Variants in SMOC1 observed in about 807,000 individuals in gnomAD.
SMOC1 encodes SPARC-related modular calcium-binding protein 1.
A neutral mutation model predicts 56.3 loss-of-function variants in SMOC1; 22 were observed. The observed-to-expected ratio is 0.39, with a 90% CI of 0.28 to 0.56. SMOC1 has a LOEUF of 0.56. SMOC1 is among the 20% of genes least tolerant of loss of function. The pLI is 0.61. For synonymous variants in SMOC1, 193 were observed against 215.0 expected (o/e 0.90, Z 0.89); for missense variants, 509 against 565.4 (o/e 0.90, Z 1.01).
intron 3 of SMOC1, among the ~76,000 whole-genome samples, chr14:69,958,345 AG>A (rs1457335614): frequency 6.6e-6 from 1 of 152,254 alleles, no homozygotes; most frequent in East Asian, 1.9e-4. Context: ...TCTTATGTAA[AG>A]AACTCTTACA....
intron 3 of SMOC1, among the ~76,000 whole-genome samples, chr14:69,963,388 A>G (rs1883455125): frequency 6.6e-6 from 1 of 152,172 alleles, no homozygotes; most frequent in Non-Finnish European, 1.5e-5. Context: ...ACCAAAGATG[A>G]GCATTGTATA....
intron 1 of SMOC1, among the ~76,000 whole-genome samples, chr14:69,951,276 T>G (rs78209949): frequency 6.6e-6 from 1 of 152,180 alleles, no homozygotes; most frequent in Admixed American, 6.5e-5. Context: ...TAGTATTTTC[T>G]TGGTCAAGCA....
chr14:69,979,867 G>A (rs1295192728), intron 5 of SMOC1, among the ~76,000 whole-genome samples: 1 of 152,186 alleles, frequency 6.6e-6, no homozygotes, highest in African/African-American at 2.4e-5. Flanking sequence ...TGACCACCCA[G>A]ATTCCCCTCC....
At chr14:69,944,076 T>C (rs1882687173) in intron 1 of SMOC1, among the ~76,000 whole-genome samples, 1 of 152,350 alleles carries the variant, frequency 6.6e-6, no homozygotes, top group Middle Eastern at 3.4e-3. Flanking sequence ...TACATATTGA[T>C]TAAATGCCTC....
At chr14:70,015,583 C>T (rs2139598216) in intron 10 of SMOC1, among the ~76,000 whole-genome samples, 1 of 152,258 alleles carries the variant, frequency 6.6e-6, no homozygotes, top group East Asian at 1.9e-4. Flanking sequence ...AGGCTGGTTT[C>T]TGGCTGTGGC....
intron 1 of SMOC1, among the ~76,000 whole-genome samples, chr14:69,942,572 C>T (rs1046048675): frequency 6.6e-6 from 1 of 152,210 alleles, no homozygotes; most frequent in Non-Finnish European, 1.5e-5. Flanking sequence ...CTGCTTCTCT[C>T]CTTATCTCCA....
chr14:69,926,324 T>C (rs1339297969), intron 1 of SMOC1, among the ~76,000 whole-genome samples: 3 of 152,180 alleles, frequency 2.0e-5, no homozygotes, highest in Non-Finnish European at 4.4e-5. Flanking sequence ...TGCCACCAGC[T>C]GGATTGGATT....
At chr14:70,011,886 T>C (rs1885354398) in intron 9 of SMOC1, among the ~76,000 whole-genome samples, 1 of 152,196 alleles carries the variant, frequency 6.6e-6, no homozygotes, top group Admixed American at 6.5e-5. Context: ...TTTCCAGAGC[T>C]GTGAGGATAA....
intron 1 of SMOC1, among the ~76,000 whole-genome samples, chr14:69,918,028 A>G (rs960615356): frequency 6.6e-6 from 1 of 152,198 alleles, no homozygotes; most frequent in Non-Finnish European, 1.5e-5. Flanking sequence ...ACAAAAATGT[A>G]TATATGCAGT....
At chr14:70,026,839 T>C (rs1885945526) in intron 11 of SMOC1, among the ~76,000 whole-genome samples, 2 of 152,254 alleles carry the variant, frequency 1.3e-5, no homozygotes, top group South Asian at 2.1e-4. Flanking sequence ...TCTACACTTA[T>C]GTCTTTAAGT....
At chr14:69,884,172 T>C (rs56086423) in intron 1 of SMOC1, among the ~76,000 whole-genome samples, 61,293 of 151,556 alleles carry the variant, frequency 0.4, 13,784 homozygotes, top group African/African-American at 0.62. Context: ...TCCCAAAGTG[T>C]TGGGACTACA....
chr14:70,024,617 G>A (rs1258227140), intron 11 of SMOC1, among the ~76,000 whole-genome samples: 1 of 152,042 alleles, frequency 6.6e-6, no homozygotes, highest in African/African-American at 2.4e-5. Context: ...TCTAAGCCAA[G>A]GCAAATGAGG....
intron 5 of SMOC1, among the ~76,000 whole-genome samples, chr14:69,991,470 A>C (rs1314571204): frequency 6.6e-6 from 1 of 152,224 alleles, no homozygotes; most frequent in Non-Finnish European, 1.5e-5. Context: ...AATGCTCCTT[A>C]GATGAGTGAT....
intron 5 of SMOC1, among the ~76,000 whole-genome samples, chr14:69,986,471 TA>T (rs1450145591): frequency 6.6e-6 from 1 of 152,228 alleles, no homozygotes; most frequent in Non-Finnish European, 1.5e-5. Context: ...GATTTTGTAC[TA>T]ATTATGCCAC....
chr14:69,956,617 C>T (rs569783103), intron 3 of SMOC1, among the ~76,000 whole-genome samples: 1 of 152,242 alleles, frequency 6.6e-6, no homozygotes, highest in South Asian at 2.1e-4. Context: ...TGATGGCACT[C>T]TAATGGGATT....
intron 7 of SMOC1, among the ~76,000 whole-genome samples, chr14:70,009,437 A>G (rs1047524963): frequency 3.9e-5 from 6 of 152,208 alleles, no homozygotes; most frequent in African/African-American, 4.8e-5. Context: ...CAGAGCCATT[A>G]TTTCAAGGAA....
Position 69,898,350 on chromosome 14 carries a change from G to A in SMOC1, c.99+18573G>A, listed in dbSNP as rs137935367. On this transcript the variant is annotated intron_variant, in intron 1 of 11. Transcript: ENST00000361956. ...GGCATGAATTTTGGGGAAATTCTCA[G>A]TCACTATTGCTTCAAATAATTCTTC... 2.4e-3 allele frequency among the ~76,000 whole-genome samples: 366 copies of A among 152,218 alleles called. 2 individuals carry two copies. Among genetic ancestry groups the A allele is most frequent in the African/African-American group, 7.9e-3 (328 of 41,540 alleles).
intron 7 of SMOC1, among the ~76,000 whole-genome samples, chr14:70,002,752 A>G (rs1210350580): frequency 2.6e-5 from 4 of 152,230 alleles, no homozygotes; most frequent in African/African-American, 9.6e-5. Flanking sequence ...GTCCACAAGT[A>G]AGAAAAATAA....
At chr14:69,974,187 G>C (rs1292385197) in intron 3 of SMOC1, among the ~76,000 whole-genome samples, 3 of 152,164 alleles carry the variant, frequency 2.0e-5, no homozygotes, top group Non-Finnish European at 2.9e-5. Context: ...GATCTTGAGA[G>C]GGGGGAGTGG....
Sources: gnomAD v4.1 joint callset for allele counts (sites outside exome capture counted in the v4.1 genomes callset) on GRCh38, gnomAD v4.1.1 for gene constraint, MANE v1.5 for transcripts, NCBI Gene and HGNC (gene_info 2026-07-23, HGNC 2026-07-21) for gene names.